Variants in FMNL2 observed in about 807,000 individuals in gnomAD.
The protein encoded by FMNL2 is formin-like protein 2.
In FMNL2, 51 loss-of-function variants were observed where a neutral mutation model predicts 130.2. That is an observed-to-expected ratio of 0.39 (90% CI 0.31 to 0.49). FMNL2 has a LOEUF of 0.49. FMNL2 is among the 20% of genes least tolerant of loss of function. The pLI, the probability that FMNL2 is intolerant of heterozygous loss-of-function variation, is 0.85. For synonymous variants in FMNL2, 465 were observed against 467.1 expected, an observed-to-expected ratio of 1.00 and a Z score of 0.06; for missense variants, 977 against 1,316.2, an observed-to-expected ratio of 0.74 and a Z score of 3.99.
intron 10 of FMNL2, chr2:152,607,635 A>G: frequency 4.9e-6 from 2 of 404,888 alleles, no homozygotes; most frequent in South Asian, 9.0e-5. Flanking sequence ...AGTAAAGACA[A>G]AAGTACTAAT....
Position 152,538,959 on chromosome 2 carries a change from A to G in FMNL2, c.202-3780A>G, listed in dbSNP as rs139525257. Among the ~76,000 whole-genome samples the G allele has an allele frequency of 5.3e-5, 8 of 152,300 alleles. No homozygotes were observed. The East Asian group carries it at 1.2e-3, about 22-fold the overall frequency. On this transcript the variant is annotated intron_variant, in intron 2 of 25. Transcript: ENST00000288670. ...GGGCATCCTATTTATTTGAATTAAT[A>G]TATTTTTCCCTCTAAATATTAGAAT...
intron 1 of FMNL2, among the ~76,000 whole-genome samples, chr2:152,513,035 G>A (rs950927058): frequency 3.0e-4 from 46 of 152,212 alleles, no homozygotes; most frequent in African/African-American, 9.9e-4. Context: ...TAAGAGACAT[G>A]TTGGCCTGAG....
chr2:152,368,137 G>A (rs1683667706), intron 1 of FMNL2, among the ~76,000 whole-genome samples: 2 of 152,066 alleles, frequency 1.3e-5, no homozygotes, highest in South Asian at 4.1e-4. Flanking sequence ...CAGAAGTGAT[G>A]AGAAACATCT....
chr2:152,533,404 T>A (rs1693815865), intron 2 of FMNL2, among the ~76,000 whole-genome samples: 1 of 152,170 alleles, frequency 6.6e-6, no homozygotes, highest in Non-Finnish European at 1.5e-5. Flanking sequence ...TACCTTGGTA[T>A]CTTTGAAAAC....
intron 1 of FMNL2, among the ~76,000 whole-genome samples, chr2:152,483,358 C>T (rs1368123772): frequency 6.6e-6 from 1 of 151,896 alleles, no homozygotes; most frequent in East Asian, 1.9e-4. Flanking sequence ...ATTTCCATAA[C>T]CAGAATTACA....
chr2:152,403,155 ACTTATCACATGCTGATC>A (rs1222515708), intron 1 of FMNL2, among the ~76,000 whole-genome samples: 1 of 151,612 alleles, frequency 6.6e-6, no homozygotes, highest in Non-Finnish European at 1.5e-5. Flanking sequence ...TATCAGTGTG[ACTTATCACATGCTGATC>A]CTTATCACTT....
chr2:152,628,210 G>A, intron 17 of FMNL2, 89 bp from the exon 18 acceptor site: 1 of 1,103,454 alleles, frequency 9.1e-7, no homozygotes, highest in Non-Finnish European at 1.4e-6. Context: ...GATGGATGAT[G>A]GATGGATGAA....
intron 1 of FMNL2, among the ~76,000 whole-genome samples, chr2:152,420,285 G>A (rs2106039169): frequency 6.6e-6 from 1 of 152,334 alleles, no homozygotes; most frequent in East Asian, 1.9e-4. Flanking sequence ...GAGAATGCCT[G>A]TAAGCCAAAT....
At chr2:152,629,200 T>C (rs75426963) in intron 18 of FMNL2, among the ~76,000 whole-genome samples, 1 of 152,208 alleles carries the variant, frequency 6.6e-6, no homozygotes, top group Non-Finnish European at 1.5e-5. Flanking sequence ...TATAGTAGTA[T>C]GTCTGTTGAA....
At chr2:152,423,018 A>G (rs541065810) in intron 1 of FMNL2, among the ~76,000 whole-genome samples, 1 of 152,308 alleles carries the variant, frequency 6.6e-6, no homozygotes, top group Admixed American at 6.5e-5. Context: ...CATCTTTGAA[A>G]ATTATTTAAG....
intron 1 of FMNL2, among the ~76,000 whole-genome samples, chr2:152,483,038 A>G (rs1178157086): frequency 6.6e-6 from 1 of 152,110 alleles, no homozygotes; most frequent in South Asian, 2.1e-4. Context: ...AATAAATCCA[A>G]TCCCTTCCCA....
intron 1 of FMNL2, among the ~76,000 whole-genome samples, chr2:152,379,583 T>C (rs1257722316): frequency 6.6e-6 from 1 of 152,210 alleles, no homozygotes; most frequent in East Asian, 1.9e-4. Flanking sequence ...CTAATGTTTT[T>C]AAGAGTGTTA....
At chr2:152,600,185 G>A (rs6725060) in intron 9 of FMNL2, among the ~76,000 whole-genome samples, 2,261 of 152,102 alleles carry the variant, frequency 0.015, 74 homozygotes, top group East Asian at 0.1. Flanking sequence ...GAGAAGGGTC[G>A]TCTAATCAGT....
chr2:152,590,980 C>CTTTTTTTTTTTTTTTTT lies in FMNL2; in HGVS notation c.876+9959_876+9975dup, dbSNP rs1158391663. 3.3e-4 allele frequency among the ~76,000 whole-genome samples: 22 copies of CTTTTTTTTTTTTTTTTT among 65,790 alleles called. 2 individuals carry two copies. The highest frequency in any genetic ancestry group is 4.1e-4 in the Non-Finnish European group (16 of 38,590). 43.2% of individuals were successfully genotyped at this position (65,790 alleles called of 152,430 possible). On this transcript the variant is annotated intron_variant, in intron 9 of 25. Transcript: ENST00000288670. Reference sequence around the variant, plus strand: ...CAGAGTTAGATTTTCCCTCTGATAACTTTTTTTTTTTTTTTTTTTTTTTTT... The same window carrying CTTTTTTTTTTTTTTTTT: ...CAGAGTTAGATTTTCCCTCTGATAACTTTTTTTTTTTTTTTTTTTTTTTTTTTTTTTTTTTTTTTTTT...
chr2:152,646,326 C>T (rs1683559312), intron 25 of FMNL2, among the ~76,000 whole-genome samples: 1 of 86,112 alleles, frequency 1.2e-5, no homozygotes, highest in South Asian at 4.9e-4. Context: ...ACTGTCCTCC[C>T]CTCACAACCC....
At chr2:152,635,147 C>G (rs2105946573) in intron 21 of FMNL2, among the ~76,000 whole-genome samples, 1 of 152,284 alleles carries the variant, frequency 6.6e-6, no homozygotes, top group South Asian at 2.1e-4. Context: ...ACCCACTTAC[C>G]AAGCTTTTTC....
chr2:152,607,292 T>C (rs928905185), intron 9 of FMNL2, 47 bp from the exon 10 acceptor site: 1 of 1,495,118 alleles, frequency 6.7e-7, no homozygotes, highest in Non-Finnish European at 9.3e-7. Context: ...AATTTTGGAA[T>C]GTTTATGTTT....
At chr2:152,557,737 A>T (rs73968073) in intron 4 of FMNL2, among the ~76,000 whole-genome samples, 1 of 152,252 alleles carries the variant, frequency 6.6e-6, no homozygotes, top group Non-Finnish European at 1.5e-5. Flanking sequence ...ACTGGCTTCC[A>T]TAGTCACTAT....
intron 25 of FMNL2, chr2:152,643,282 C>G (rs964875092): frequency 3.4e-5 from 40 of 1,192,236 alleles, no homozygotes; most frequent in Non-Finnish European, 4.2e-5. Flanking sequence ...TATATATTGC[C>G]TTCCCCCTTT....
Sources: allele counts gnomAD v4.1 joint callset (sites outside exome capture counted in the v4.1 genomes callset), GRCh38; gene constraint gnomAD v4.1.1; transcripts MANE v1.5; gene names NCBI Gene and HGNC (gene_info 2026-07-23, HGNC 2026-07-21).